LDHC: variants seen among roughly 807,000 people sequenced by gnomAD.
LDHC encodes the protein L-lactate dehydrogenase C chain.
LDHC carries 20 observed loss-of-function variants against 30.2 expected under a neutral mutation model. The ratio of observed to expected loss-of-function variants is 0.66; its 90% CI spans 0.47 to 0.96. The LOEUF (loss-of-function observed/expected upper bound fraction) is 0.96. Among genes scored for constraint, LDHC ranks in the 40% least tolerant of loss-of-function variants. LDHC has a pLI of 0.00. For missense variants in LDHC, 362 were observed against 394.9 expected (o/e 0.92, Z 0.71); for synonymous variants, 139 against 132.7 (o/e 1.05, Z -0.32).
At chr11:18,443,523 G>C (rs1361395762) in intron 6 of LDHC, among the ~76,000 whole-genome samples, 1 of 144,712 alleles carries the variant, frequency 6.9e-6, no homozygotes, top group African/African-American at 2.6e-5. Context: ...GTAGTGGCAT[G>C]ATCTTGGCTT....
At chr11:18,412,610 C>A in intron 1 of LDHC, 99 bp from the exon 2 acceptor site, 2 of 1,101,934 alleles carry the variant, frequency 1.8e-6, no homozygotes, top group South Asian at 1.5e-5. Context: ...CTTTCTTTGG[C>A]TTCCCCCCAT....
At chr11:18,434,627 C>A in intron 4 of LDHC, 113 bp from the exon 5 acceptor site, 1 of 649,320 alleles carries the variant, frequency 1.5e-6, no homozygotes, top group Non-Finnish European at 2.7e-6. Flanking sequence ...ATTTGCTTCA[C>A]TTTGTAATAA....
chr11:18,429,223 C>T (rs1848221666), intron 3 of LDHC, among the ~76,000 whole-genome samples: 1 of 148,382 alleles, frequency 6.7e-6, no homozygotes, highest in Non-Finnish European at 1.5e-5. Context: ...AGCGATTCTC[C>T]TGCCTCAGCC....
At chr11:18,413,734 T>C (rs1246441802) in intron 2 of LDHC, among the ~76,000 whole-genome samples, 1 of 152,212 alleles carries the variant, frequency 6.6e-6, no homozygotes, top group Non-Finnish European at 1.5e-5. Flanking sequence ...GTGCTGGGAT[T>C]ACAGGCATGA....
chr11:18,434,695 T>C (rs1848325373), intron 4 of LDHC, 45 bp from the exon 5 acceptor site: 2 of 1,314,218 alleles, frequency 1.5e-6, no homozygotes, highest in Non-Finnish European at 2.2e-6. Flanking sequence ...AAAATTTTTT[T>C]AAGTTATGAT....
chr11:18,442,347 C>G (rs1419194332), intron 6 of LDHC, among the ~76,000 whole-genome samples: 4 of 152,200 alleles, frequency 2.6e-5, no homozygotes, highest in Non-Finnish European at 5.9e-5. Flanking sequence ...CGAAAGGGCT[C>G]AAATCCACTG....
intron 6 of LDHC, among the ~76,000 whole-genome samples, chr11:18,440,382 A>T (rs1340216003): frequency 6.6e-6 from 1 of 152,138 alleles, no homozygotes; most frequent in Non-Finnish European, 1.5e-5. Context: ...TAGGGCAGAG[A>T]CTAAAAAGTC....
rs138990045 is a variant in LDHC at position 18,438,132 on chromosome 11, G to A, written c.593-396G>A. Among the ~76,000 whole-genome samples, 9 of 152,268 alleles carry A rather than the reference G, an allele frequency of 5.9e-5. No homozygotes were observed. In the East Asian group the frequency reaches 1.7e-3, roughly 29 times the overall value. Reference sequence around the variant, plus strand: ...AATTTAGCTTGTGCTTCTGCAGGTTGTACAGGCATGGCTCCAAGATATGCT... The same window carrying A: ...AATTTAGCTTGTGCTTCTGCAGGTTATACAGGCATGGCTCCAAGATATGCT... On this transcript the variant is annotated intron_variant, in intron 5 of 7. Transcript: ENST00000541669.
At chr11:18,425,594 A>G (rs1224113673) in intron 3 of LDHC, among the ~76,000 whole-genome samples, 4 of 152,046 alleles carry the variant, frequency 2.6e-5, no homozygotes, top group Non-Finnish European at 4.4e-5. Context: ...AATTGAGTGT[A>G]TATTTCTTAT....
intron 6 of LDHC, 108 bp from the exon 7 acceptor site, chr11:18,446,102 C>A: frequency 1.1e-6 from 1 of 883,614 alleles, no homozygotes; most frequent in Non-Finnish European, 1.8e-6. Context: ...AATTCTAATA[C>A]AATTGCATTG....
At chr11:18,445,889 C>G (rs968571208) in intron 6 of LDHC, among the ~76,000 whole-genome samples, 1 of 152,028 alleles carries the variant, frequency 6.6e-6, no homozygotes, top group Non-Finnish European at 1.5e-5. Flanking sequence ...GAGGGAGGAT[C>G]GCATAAGCCC....
At chr11:18,444,713 A>G (rs1848526767) in intron 6 of LDHC, among the ~76,000 whole-genome samples, 1 of 146,478 alleles carries the variant, frequency 6.8e-6, no homozygotes, top group Non-Finnish European at 1.5e-5. Context: ...GGTAGTTGTA[A>G]GACCTCCTGA....
At chr11:18,438,748 A>C in intron 6 of LDHC, 103 bp downstream of exon 6, 1 of 625,282 alleles carries the variant, frequency 1.6e-6, no homozygotes, top group South Asian at 2.0e-5. Flanking sequence ...TGTGAGATAA[A>C]TAACTCTAGG....
intron 3 of LDHC, among the ~76,000 whole-genome samples, chr11:18,419,264 C>T (rs995283777): frequency 9.9e-5 from 15 of 152,174 alleles, no homozygotes; most frequent in African/African-American, 3.6e-4. Context: ...TCCAGTGAGA[C>T]TCTATTTACC....
intron 2 of LDHC, among the ~76,000 whole-genome samples, 172 bp downstream of exon 2, chr11:18,413,015 TTC>T (rs758462795): frequency 1.5e-4 from 22 of 146,978 alleles, no homozygotes; most frequent in African/African-American, 5.5e-4. Context: ...TCCTTTTTCT[TTC>T]TCTCTTTCTT....
At chr11:18,417,078 T>A (rs1867035737) in intron 3 of LDHC, among the ~76,000 whole-genome samples, 1 of 152,198 alleles carries the variant, frequency 6.6e-6, no homozygotes, top group African/African-American at 2.4e-5. Flanking sequence ...GACACAGGGT[T>A]TCACCACGTT....
At chr11:18,439,826 A>AC (rs1848429094) in intron 6 of LDHC, among the ~76,000 whole-genome samples, 1 of 145,076 alleles carries the variant, frequency 6.9e-6, no homozygotes, top group African/African-American at 2.5e-5. Flanking sequence ...AAAAAAAAAA[A>AC]AAAAAAAAAA....
At chr11:18,413,155 C>T (rs1212643480) in intron 2 of LDHC, among the ~76,000 whole-genome samples, 1 of 151,606 alleles carries the variant, frequency 6.6e-6, no homozygotes, top group Non-Finnish European at 1.5e-5. Context: ...GATCTTGGCC[C>T]ACTGCAACCT....
intron 2 of LDHC, among the ~76,000 whole-genome samples, chr11:18,413,619 C>A (rs1049679180): frequency 2.0e-5 from 3 of 151,960 alleles, no homozygotes; most frequent in Non-Finnish European, 2.9e-5. Flanking sequence ...TGTGCCACCA[C>A]GCCCAGCTAA....
Sources: gnomAD v4.1 joint callset for allele counts (sites outside exome capture counted in the v4.1 genomes callset) on GRCh38, gnomAD v4.1.1 for gene constraint, MANE v1.5 for transcripts, NCBI Gene and HGNC (gene_info 2026-07-23, HGNC 2026-07-21) for gene names.